MEF2C: variants seen among roughly 807,000 people sequenced by gnomAD.
MEF2C encodes myocyte enhancer factor 2C.
A neutral mutation model predicts 50.5 loss-of-function variants in MEF2C; 6 were observed. That is an observed-to-expected ratio of 0.12 (90% CI 0.07 to 0.23). MEF2C has a LOEUF of 0.23. MEF2C is among the 10% of genes least tolerant of loss of function. The probability of loss-of-function intolerance (pLI) is 1.00; values close to 1 mark genes in which losing one functional copy is unlikely to be tolerated. For synonymous variants in MEF2C, 183 were observed against 228.0 expected (o/e 0.80, Z 1.78); for missense variants, 276 against 605.0 (o/e 0.46, Z 5.70).
intron 6 of MEF2C, chr5:88,733,293 G>C: frequency 1.0e-6 from 1 of 985,328 alleles, no homozygotes. Flanking sequence ...AGAGGAACCT[G>C]TTTAGAAGGG....
At chr5:88,759,478 G>A (rs369203067) in intron 4 of MEF2C, among the ~76,000 whole-genome samples, 8 of 151,968 alleles carry the variant, frequency 5.3e-5, no homozygotes, top group African/African-American at 1.4e-4. Flanking sequence ...GTGAAACTCC[G>A]TCTCAAAAAT....
chr5:88,827,826 T>C (rs1811513134), intron 1 of MEF2C, among the ~76,000 whole-genome samples: 1 of 151,768 alleles, frequency 6.6e-6, no homozygotes, highest in Non-Finnish European at 1.5e-5. Flanking sequence ...ATTAAAACTT[T>C]TGGTTAAAAA....
At chr5:88,821,146 A>C (rs1240462465) in intron 2 of MEF2C, among the ~76,000 whole-genome samples, 1 of 151,992 alleles carries the variant, frequency 6.6e-6, no homozygotes, top group Admixed American at 6.6e-5. Flanking sequence ...TTCTTCTTCT[A>C]AAGTTATTAT....
At chr5:88,799,578 T>G (rs1478829724) in intron 3 of MEF2C, among the ~76,000 whole-genome samples, 2 of 152,242 alleles carry the variant, frequency 1.3e-5, no homozygotes, top group African/African-American at 4.8e-5. Context: ...CACTAAACTA[T>G]GTAAGAGCAC....
intron 6 of MEF2C, among the ~76,000 whole-genome samples, chr5:88,744,984 C>T (rs763368053): frequency 6.6e-6 from 1 of 152,108 alleles, no homozygotes; most frequent in African/African-American, 2.4e-5. Flanking sequence ...ATTAAACATT[C>T]GTTGTATACT....
chr5:88,802,638 G>A (rs1257638306), intron 3 of MEF2C, among the ~76,000 whole-genome samples: 1 of 152,014 alleles, frequency 6.6e-6, no homozygotes, highest in East Asian at 1.9e-4. Context: ...TTGCAGAGAC[G>A]GAGTTTTGCC....
At chr5:88,787,862 T>C (rs1791745184) in intron 3 of MEF2C, among the ~76,000 whole-genome samples, 1 of 152,244 alleles carries the variant, frequency 6.6e-6, no homozygotes, top group South Asian at 2.1e-4. Flanking sequence ...CTACTCATTT[T>C]TCCTGTGCCT....
chr5:88,847,707 C>T (rs1205283044), intron 1 of MEF2C, among the ~76,000 whole-genome samples: 4 of 151,702 alleles, frequency 2.6e-5, no homozygotes, highest in Non-Finnish European at 5.9e-5. Context: ...GACTATAAAA[C>T]ACATGTTAAA....
intron 3 of MEF2C, among the ~76,000 whole-genome samples, chr5:88,784,729 T>C (rs939057223): frequency 1.3e-5 from 2 of 152,124 alleles, no homozygotes; most frequent in Non-Finnish European, 2.9e-5. Flanking sequence ...ACAATGAAAA[T>C]TTTGTTTAAA....
chr5:88,791,210 A>C (rs752811586), intron 3 of MEF2C, among the ~76,000 whole-genome samples: 1 of 152,168 alleles, frequency 6.6e-6, no homozygotes, highest in Non-Finnish European at 1.5e-5. Flanking sequence ...AAATTTGTAA[A>C]TATCATTAAA....
intron 3 of MEF2C, 25 bp downstream of exon 3, chr5:88,804,573 G>T: frequency 6.2e-7 from 1 of 1,611,396 alleles, no homozygotes; most frequent in South Asian, 1.1e-5. Flanking sequence ...CGGAGGCTTG[G>T]GGCTCACCAC....
At chr5:88,805,509 T>C (rs894617086) in intron 2 of MEF2C, among the ~76,000 whole-genome samples, 14 of 152,210 alleles carry the variant, frequency 9.2e-5, no homozygotes, top group African/African-American at 2.7e-4. Flanking sequence ...GTTCACACTA[T>C]TTCCCAGGCA....
chr5:88,757,073 C>T (rs1469732614), intron 4 of MEF2C, among the ~76,000 whole-genome samples: 2 of 151,950 alleles, frequency 1.3e-5, no homozygotes, highest in East Asian at 1.9e-4. Flanking sequence ...AGGGCCAAGT[C>T]GAGGGCCCAT....
chr5:88,727,996 T>A (rs1420659852), intron 10 of MEF2C, among the ~76,000 whole-genome samples: 1 of 151,966 alleles, frequency 6.6e-6, no homozygotes, highest in African/African-American at 2.4e-5. Flanking sequence ...TAGTTAGTAT[T>A]ATATACATAT....
intron 1 of MEF2C, among the ~76,000 whole-genome samples, chr5:88,876,709 G>C (rs1374225952): frequency 6.6e-6 from 1 of 151,918 alleles, no homozygotes; most frequent in Admixed American, 6.6e-5. Flanking sequence ...CTTGCTGAAA[G>C]AATCACAGGT....
intron 1 of MEF2C, among the ~76,000 whole-genome samples, chr5:88,841,429 C>T (rs75931532): frequency 0.039 from 5,822 of 151,180 alleles, 123 homozygotes; most frequent in Non-Finnish European, 0.041. Flanking sequence ...ATCGTTTGAG[C>T]CCAGGAGTTT....
intron 6 of MEF2C, chr5:88,743,567 A>T: frequency 1.0e-6 from 1 of 979,978 alleles, no homozygotes; most frequent in Non-Finnish European, 1.2e-6. Flanking sequence ...TTATATTATC[A>T]TAAAACATTG....
At chr5:88,890,320 T>G (rs1317211257) in intron 1 of MEF2C, among the ~76,000 whole-genome samples, 1 of 152,152 alleles carries the variant, frequency 6.6e-6, no homozygotes. Context: ...TTCTGGGATG[T>G]CTTACAAAAA....
intron 1 of MEF2C, among the ~76,000 whole-genome samples, chr5:88,854,713 C>T (rs1822623901): frequency 6.6e-6 from 1 of 152,110 alleles, no homozygotes; most frequent in Non-Finnish European, 1.5e-5. Flanking sequence ...TCTCCAAGCT[C>T]AAGGAGTTTA....
Sources: allele counts gnomAD v4.1 joint callset (sites outside exome capture counted in the v4.1 genomes callset), GRCh38; gene constraint gnomAD v4.1.1; transcripts MANE v1.5; gene names NCBI Gene and HGNC (gene_info 2026-07-23, HGNC 2026-07-21).